XKR6: variants seen among roughly 807,000 people sequenced by gnomAD.
XKR6 encodes XK related 6.
A neutral mutation model predicts 56.7 loss-of-function variants in XKR6; 22 were observed. The ratio of observed to expected loss-of-function variants is 0.39; its 90% CI spans 0.28 to 0.55. XKR6 has a LOEUF of 0.55. XKR6 is among the 20% of genes least tolerant of loss of function. The pLI, the probability that XKR6 is intolerant of heterozygous loss-of-function variation, is 0.66. For synonymous variants in XKR6, 524 were observed against 387.8 expected (o/e 1.35, Z -4.13); for missense variants, 852 against 889.0 (o/e 0.96, Z 0.53).
Position 11,104,243 on chromosome 8 carries a change from G to A in XKR6, c.764+96333C>T, listed in dbSNP as rs116608201. Among the ~76,000 whole-genome samples, 439 of 152,352 alleles carry A rather than the reference G, an allele frequency of 2.9e-3. 3 individuals are homozygous for A. The highest frequency in any genetic ancestry group is 1.0e-2 in the African/African-American group (414 of 41,588). ...GGGAAATAAAAGGACACACTTTGGA[G>A]AACTGTGAATCTGACTGGAGATCAC... On this transcript the variant is annotated intron_variant, in intron 1 of 2. Coordinates refer to ENST00000416569, the MANE Select transcript of XKR6 (RefSeq NM_173683.4).
chr8:10,989,258 A>G (rs1252502339), intron 1 of XKR6, among the ~76,000 whole-genome samples: 1 of 152,250 alleles, frequency 6.6e-6, no homozygotes, highest in East Asian at 1.9e-4. Flanking sequence ...GTGAGATAAA[A>G]TGAAGGCTGA....
At chr8:10,909,650 C>A (rs538274213) in intron 2 of XKR6, among the ~76,000 whole-genome samples, 4 of 152,294 alleles carry the variant, frequency 2.6e-5, no homozygotes, top group African/African-American at 9.6e-5. Context: ...TTGCTAGCCG[C>A]CATGATCTCC....
chr8:10,924,117 C>A (rs1800803637), intron 2 of XKR6, among the ~76,000 whole-genome samples: 1 of 152,230 alleles, frequency 6.6e-6, no homozygotes, highest in East Asian at 1.9e-4. Context: ...TGGGCCCTCT[C>A]CCCTGCTGGA....
intron 1 of XKR6, among the ~76,000 whole-genome samples, chr8:11,027,210 G>A (rs547412959): frequency 9.2e-5 from 14 of 152,274 alleles, no homozygotes; most frequent in South Asian, 2.1e-4. Context: ...ATATTTAAAC[G>A]TAGAAAAGGT....
chr8:11,030,071 A>G (rs1798957092), intron 1 of XKR6, among the ~76,000 whole-genome samples: 1 of 152,148 alleles, frequency 6.6e-6, no homozygotes, highest in Non-Finnish European at 1.5e-5. Context: ...ACTCTGTTCT[A>G]GTATTCCCAG....
At chr8:10,915,235 G>C (rs1057216801) in intron 2 of XKR6, among the ~76,000 whole-genome samples, 3 of 152,248 alleles carry the variant, frequency 2.0e-5, no homozygotes, top group African/African-American at 7.2e-5. Flanking sequence ...TCTGTCCCCA[G>C]CTCCTGGAAC....
At chr8:11,181,192 T>A (rs986074548) in intron 1 of XKR6, among the ~76,000 whole-genome samples, 3 of 152,242 alleles carry the variant, frequency 2.0e-5, no homozygotes, top group African/African-American at 7.2e-5. Context: ...GGTTGTTGTA[T>A]AAACAATTTA....
chr8:11,124,039 G>A (rs1322539723), intron 1 of XKR6: 5 of 455,824 alleles, frequency 1.1e-5, no homozygotes, highest in African/African-American at 1.0e-4. Flanking sequence ...CAATCTCTAG[G>A]CCCCTCCTGT....
At chr8:11,042,080 C>G (rs1043468003) in intron 1 of XKR6, among the ~76,000 whole-genome samples, 4 of 152,162 alleles carry the variant, frequency 2.6e-5, no homozygotes, top group African/African-American at 9.7e-5. Context: ...TACACATGCA[C>G]CTGTCTGATT....
chr8:10,947,323 C>T (rs1340200841), intron 1 of XKR6, among the ~76,000 whole-genome samples: 1 of 152,092 alleles, frequency 6.6e-6, no homozygotes, highest in Non-Finnish European at 1.5e-5. Context: ...GAGTGAGATA[C>T]CTGGGGAACG....
intron 2 of XKR6, among the ~76,000 whole-genome samples, chr8:10,914,694 T>C (rs1023850814): frequency 6.6e-6 from 1 of 152,052 alleles, no homozygotes; most frequent in South Asian, 2.1e-4. Context: ...AGCTGACTTG[T>C]GAGGGGGGCT....
intron 1 of XKR6, among the ~76,000 whole-genome samples, chr8:11,190,006 A>G (rs1803465811): frequency 1.3e-5 from 2 of 152,008 alleles, no homozygotes; most frequent in Non-Finnish European, 2.9e-5. Flanking sequence ...AAAGTACAAA[A>G]ATTAGACGGG....
At chr8:11,134,961 G>T (rs537595717) in intron 1 of XKR6, among the ~76,000 whole-genome samples, 1 of 151,898 alleles carries the variant, frequency 6.6e-6, no homozygotes, top group African/African-American at 2.4e-5. Flanking sequence ...AAGTAAAAAG[G>T]CTGGCTACAA....
chr8:10,936,247 T>G (rs950101255), intron 1 of XKR6, among the ~76,000 whole-genome samples: 3 of 150,954 alleles, frequency 2.0e-5, no homozygotes, highest in Non-Finnish European at 3.0e-5. Flanking sequence ...GTTTTCCATT[T>G]GCTTGGTAGA....
intron 1 of XKR6, among the ~76,000 whole-genome samples, chr8:11,069,809 C>T (rs144804413): frequency 3.0e-4 from 45 of 152,260 alleles, no homozygotes; most frequent in South Asian, 4.1e-4. Flanking sequence ...ATGTAGCATG[C>T]GGCGTGGCCC....
chr8:11,018,785 AAAG>A (rs2129148056), intron 1 of XKR6, among the ~76,000 whole-genome samples: 1 of 152,248 alleles, frequency 6.6e-6, no homozygotes, highest in South Asian at 2.1e-4. Flanking sequence ...CATTGCCAAA[AAAG>A]AAGACCCAAA....
At chr8:11,115,422 G>C (rs1364902437) in intron 1 of XKR6, among the ~76,000 whole-genome samples, 1 of 152,132 alleles carries the variant, frequency 6.6e-6, no homozygotes, top group Non-Finnish European at 1.5e-5. Flanking sequence ...AAATCCTGCT[G>C]CTAAAGTTAT....
chr8:11,150,257 A>G (rs565350955), intron 1 of XKR6, among the ~76,000 whole-genome samples: 1 of 152,344 alleles, frequency 6.6e-6, no homozygotes, highest in Admixed American at 6.5e-5. Flanking sequence ...CACAGAAATG[A>G]TAAGTACTCA....
chr8:10,934,873 G>A (rs1272936954), intron 1 of XKR6, among the ~76,000 whole-genome samples: 1 of 141,538 alleles, frequency 7.1e-6, no homozygotes, highest in African/African-American at 2.7e-5. Flanking sequence ...TTTTCGTTGT[G>A]TCTCTGCCCG....
Sources: gnomAD v4.1 joint callset for allele counts (sites outside exome capture counted in the v4.1 genomes callset) on GRCh38, gnomAD v4.1.1 for gene constraint, MANE v1.5 for transcripts, NCBI Gene and HGNC (gene_info 2026-07-23, HGNC 2026-07-21) for gene names.